The following TARBP1 variants were observed in gnomAD, a reference collection of about 807,000 sequenced individuals.
TARBP1 encodes tRNA guanosine 2 -O-methyltransferase TARBP1, also known as tRNA (guanosine(18)-2'-O)-methyltransferase TARBP1.
TARBP1 carries 144 observed loss-of-function variants against 178.6 expected under a neutral mutation model. The ratio of observed to expected loss-of-function variants is 0.81; its 90% CI spans 0.70 to 0.93. The LOEUF (loss-of-function observed/expected upper bound fraction) is 0.93. TARBP1 is among the 40% of genes least tolerant of loss of function. The pLI is 0.00. For synonymous variants in TARBP1, 787 were observed against 781.0 expected, an observed-to-expected ratio of 1.01 and a Z score of -0.13; for missense variants, 2,067 against 2,011.7, an observed-to-expected ratio of 1.03 and a Z score of -0.53.
intron 9 of TARBP1, among the ~76,000 whole-genome samples, chr1:234,451,170 G>C (rs931480299): frequency 2.0e-5 from 3 of 152,174 alleles, no homozygotes; most frequent in Non-Finnish European, 2.9e-5. Flanking sequence ...ACATCTCTTA[G>C]AAGGTTTGCA....
At chr1:234,430,030 A>T in intron 15 of TARBP1, 57 bp downstream of exon 15, 2 of 1,504,670 alleles carry the variant, frequency 1.3e-6, no homozygotes, top group East Asian at 4.6e-5. Context: ...TTGGGCAATC[A>T]TGAACTCACG....
At chr1:234,449,705 T>C (rs920388515) in intron 10 of TARBP1, among the ~76,000 whole-genome samples, 17 of 152,192 alleles carry the variant, frequency 1.1e-4, no homozygotes, top group Admixed American at 1.0e-3. Flanking sequence ...ACCTATTCCA[T>C]GGTCAGATTA....
chr1:234,478,424 T>C lies in TARBP1; in HGVS notation c.680A>G (p.Glu227Gly), dbSNP rs1490269932. 3 of 1,386,280 alleles carry C rather than the reference T, an allele frequency of 2.2e-6. No homozygotes were observed. The African/African-American group carries it at 4.6e-5, about 21-fold the overall frequency. 85.9% of individuals were successfully genotyped at this position (1,386,280 alleles called of 1,614,324 possible). Residue 227 changes from glutamate to glycine, a missense_variant, in exon 1 of 30, where the codon GAG becomes GGG. Glu to Gly is a moderately conservative substitution (Grantham distance 98). Coordinates refer to ENST00000040877, the MANE Select transcript of TARBP1 (RefSeq NM_005646.4). ...GGCGCTCAGGACCAGCAGCTTCTCC[T>C]CTACGCGGCCGGACCCCAGGGACGC... ...PGASLGSGRV[E>G]EKLLVLSALA...
chr1:234,478,161 A>T lies in TARBP1; in HGVS notation c.931+12T>A, dbSNP rs775295809. The T allele has an allele frequency of 6.2e-7, 1 of 1,611,190 alleles. No individual in the cohort carries two copies. On this transcript the variant is annotated intron_variant, in intron 1 of 29. Transcript: ENST00000040877. ...TAGGTAGCACTAGGCTGGGGGGCAA[A>T]GAGGCAGGTACCGTTTCCTTCCTGG...
At chr1:234,461,888 T>C (rs1212348042) in intron 6 of TARBP1, among the ~76,000 whole-genome samples, 2 of 152,224 alleles carry the variant, frequency 1.3e-5, no homozygotes, top group Non-Finnish European at 2.9e-5. Context: ...TTTTCTCACA[T>C]AGTTGTAGAA....
chr1:234,428,632 G>A (rs1484401676), intron 17 of TARBP1, among the ~76,000 whole-genome samples: 1 of 151,570 alleles, frequency 6.6e-6, no homozygotes, highest in African/African-American at 2.4e-5. Flanking sequence ...TGCAACCACC[G>A]CCTCCTGGGT....
At chr1:234,476,049 A>G (rs1465332840) in intron 1 of TARBP1, among the ~76,000 whole-genome samples, 1 of 152,238 alleles carries the variant, frequency 6.6e-6, no homozygotes, top group South Asian at 2.1e-4. Context: ...CTCCATAGCC[A>G]AACACTACAA....
chr1:234,455,597 T>C (rs1667190407), intron 9 of TARBP1, among the ~76,000 whole-genome samples: 1 of 151,878 alleles, frequency 6.6e-6, no homozygotes, highest in Non-Finnish European at 1.5e-5. Flanking sequence ...GTAAGCAGAG[T>C]CTATATCAAA....
Position 234,478,614 on chromosome 1 carries a change from C to A in TARBP1, c.490G>T (p.Ala164Ser). 1 of 1,304,348 alleles carries A rather than the reference C, an allele frequency of 7.7e-7. No individual in the cohort carries two copies. Among genetic ancestry groups the A allele is most frequent in the South Asian group, 2.0e-5 (1 of 49,524 alleles). 80.8% of individuals were successfully genotyped at this position (1,304,348 alleles called of 1,614,324 possible). Reference protein sequence around the residue: ...REDGPLLERVAGTAVALALGG... With the variant: ...REDGPLLERVSGTAVALALGG... ...AGCGCCAGGGCGACGGCGGTCCCCG[C>A]CACGCGCTCCAGTAGCGGCCCGTCC... The change falls in exon 1 of 30, where the codon GCG becomes TCG. Residue 164 changes from alanine (A) to serine (S), a missense_variant. Coordinates refer to ENST00000040877, the MANE Select transcript of TARBP1 (RefSeq NM_005646.4).
chr1:234,416,207 G>C (rs974839038), intron 22 of TARBP1, among the ~76,000 whole-genome samples: 11 of 152,150 alleles, frequency 7.2e-5, no homozygotes, highest in Non-Finnish European at 1.6e-4. Flanking sequence ...ATAAAGCTAT[G>C]GATCTAAAAG....
chr1:234,410,536 A>G lies in TARBP1; in HGVS notation c.3706-5T>C, dbSNP rs1341342007. 11 of 1,474,126 alleles carry G rather than the reference A, an allele frequency of 7.5e-6. No homozygotes were observed. Among genetic ancestry groups the G allele is most frequent in the Non-Finnish European group, 9.4e-6 (10 of 1,062,990 alleles). 91.3% of individuals were successfully genotyped at this position (1,474,126 alleles called of 1,614,324 possible). ...TGTTTTAAGATTTTCTTCACCCTGA[A>G]AAAATAATCAGATAAACAAATATTG... On this transcript the variant is annotated splice_region_variant and splice_polypyrimidine_tract_variant and intron_variant, in intron 22 of 29. Transcript: ENST00000040877.
chr1:234,447,242 A>G (rs1181450185), intron 11 of TARBP1, among the ~76,000 whole-genome samples: 1 of 151,794 alleles, frequency 6.6e-6, no homozygotes, highest in Non-Finnish European at 1.5e-5. Context: ...ATACCCAATT[A>G]ATGTGTAAAT....
Position 234,473,289 on chromosome 1 carries a change from C to G in TARBP1, c.932-478G>C, listed in dbSNP as rs145247726. On this transcript the variant is annotated intron_variant, in intron 1 of 29. Coordinates refer to ENST00000040877, the MANE Select transcript of TARBP1 (RefSeq NM_005646.4). ...AAAGGAAGTGGCTGCAAAAGTTACT[C>G]TGGTAAGTGGAGTGAAAAGTGAGGC... 2.1e-3 allele frequency among the ~76,000 whole-genome samples: 321 copies of G among 152,300 alleles called. 3 individuals are homozygous for G. Among genetic ancestry groups the G allele is most frequent in the African/African-American group, 7.6e-3 (316 of 41,566 alleles).
chr1:234,446,094 A>G (rs1186083444), intron 12 of TARBP1, among the ~76,000 whole-genome samples: 3 of 152,194 alleles, frequency 2.0e-5, no homozygotes, highest in Admixed American at 2.0e-4. Flanking sequence ...AATCGTATCA[A>G]TTTTATTCTC....
rs767684896 is a variant in TARBP1 at position 234,448,472 on chromosome 1, A to G, written c.1961+8T>C. 1.9e-6 allele frequency: 3 copies of G among 1,608,906 alleles called. No homozygotes were observed. Among genetic ancestry groups the G allele is most frequent in the Middle Eastern group, 1.7e-4 (1 of 6,040 alleles). On this transcript the variant is annotated splice_region_variant and intron_variant, in intron 11 of 29. Coordinates refer to ENST00000040877, the MANE Select transcript of TARBP1 (RefSeq NM_005646.4). ...ATAGGCTTTCTTTTCAATTACAGAAACAATTACCTATACTGAGTCTTCATT... is the reference window on the plus strand; with the variant it reads ...ATAGGCTTTCTTTTCAATTACAGAAGCAATTACCTATACTGAGTCTTCATT...
At chr1:234,433,283 G>C in intron 14 of TARBP1, 127 bp downstream of exon 14, 1 of 966,576 alleles carries the variant, frequency 1.0e-6, no homozygotes. Flanking sequence ...ATCACTAGAG[G>C]GTATATTTTA....
At chr1:234,451,159 T>G (rs1666715780) in intron 9 of TARBP1, among the ~76,000 whole-genome samples, 1 of 152,240 alleles carries the variant, frequency 6.6e-6, no homozygotes, top group Non-Finnish European at 1.5e-5. Flanking sequence ...CCTTCTCCAT[T>G]ACATCTCTTA....
At chr1:234,410,769 T>C (rs191779062) in intron 22 of TARBP1, among the ~76,000 whole-genome samples, 1 of 152,316 alleles carries the variant, frequency 6.6e-6, no homozygotes, top group East Asian at 1.9e-4. Flanking sequence ...CATAAAGTAC[T>C]GAATAACTCA....
intron 12 of TARBP1, among the ~76,000 whole-genome samples, chr1:234,442,139 TAA>T (rs1665658173): frequency 6.6e-6 from 1 of 152,092 alleles, no homozygotes; most frequent in Non-Finnish European, 1.5e-5. Context: ...AAAAGTAAAA[TAA>T]TAAACGAAGG....
Sources: allele counts gnomAD v4.1 joint callset (sites outside exome capture counted in the v4.1 genomes callset), GRCh38; gene constraint gnomAD v4.1.1; transcripts MANE v1.5; gene names NCBI Gene and HGNC (gene_info 2026-07-23, HGNC 2026-07-21).